MTCH2: variants seen among roughly 807,000 people sequenced by gnomAD.
The protein encoded by MTCH2 is mitochondrial carrier homolog 2.
A neutral mutation model predicts 50.6 loss-of-function variants in MTCH2; 25 were observed. That is an observed-to-expected ratio of 0.49 (90% CI 0.36 to 0.69). MTCH2 has a LOEUF of 0.69. Ranked by LOEUF, MTCH2 falls within the 30% of genes least tolerant of loss-of-function variation. The probability of loss-of-function intolerance (pLI) is 0.00; values close to 1 mark genes in which losing one functional copy is unlikely to be tolerated. For synonymous variants in MTCH2, 106 were observed against 132.0 expected, an observed-to-expected ratio of 0.80 and a Z score of 1.35; for missense variants, 273 against 384.4, an observed-to-expected ratio of 0.71 and a Z score of 2.42.
rs34382888 is a variant in MTCH2 at position 47,632,357 on chromosome 11, A to AT, written c.370-647dup. On this transcript the variant is annotated intron_variant, in intron 5 of 12. Transcript: ENST00000302503. ...AAGCAGGTCTACCATTGGCTTTTGC[A>AT]TTTTTTTTTTTTTTTTAGGACAGTC... 8.1e-3 allele frequency among the ~76,000 whole-genome samples: 1,124 copies of AT among 138,598 alleles called. 5 individuals carry two copies. Among genetic ancestry groups the AT allele is most frequent in the African/African-American group, 9.9e-3 (377 of 37,978 alleles). 90.9% of individuals were successfully genotyped at this position (138,598 alleles called of 152,430 possible).
In MTCH2 at chr11:47,631,020, A is replaced by C. The variant is rs1467549613; in HGVS notation, c.479+16T>G. 6.2e-7 allele frequency: 1 copy of C among 1,602,566 alleles called. No homozygotes were observed. The highest frequency in any genetic ancestry group is 1.7e-5 in the Admixed American group (1 of 59,718). On this transcript the variant is annotated intron_variant, in intron 7 of 12. Coordinates refer to ENST00000302503, the MANE Select transcript of MTCH2 (RefSeq NM_014342.4). ...TCAAAAGATCTCCTTGAGTATGTGA[A>C]AACAAAAATACTTACCAGTACTTGG...
Position 47,618,747 on chromosome 11 carries a change from C to A in MTCH2, c.*86G>T. Reference sequence around the variant, plus strand: ...AGATTAAATGATTATTAAAAAAGCGCGCCACACTGTATAGAAATCAACATT... The same window carrying A: ...AGATTAAATGATTATTAAAAAAGCGAGCCACACTGTATAGAAATCAACATT... On this transcript the variant is annotated 3_prime_UTR_variant, in exon 13 of 13. Transcript: ENST00000302503. The A allele has an allele frequency of 1.2e-6, 1 of 868,916 alleles. No homozygotes were observed. 53.8% of individuals were successfully genotyped at this position (868,916 alleles called of 1,614,324 possible).
downstream of MTCH2, among the ~76,000 whole-genome samples, chr11:47,614,461 T>C (rs1344573385): frequency 6.6e-6 from 1 of 152,184 alleles, no homozygotes; most frequent in Non-Finnish European, 1.5e-5. Context: ...CTTGACCAGC[T>C]AGTTTTTCTT....
the MTCH2 span, among the ~76,000 whole-genome samples, chr11:47,610,373 A>G: frequency 6.6e-6 from 1 of 151,884 alleles, no homozygotes; most frequent in African/African-American, 2.4e-5. Flanking sequence ...TAACTATCAC[A>G]TACCAAATAT....
intron 9 of MTCH2, among the ~76,000 whole-genome samples, chr11:47,628,110 A>C (rs985357732): frequency 1.3e-5 from 2 of 152,132 alleles, no homozygotes; most frequent in South Asian, 4.1e-4. Flanking sequence ...TACAACATGG[A>C]TTTAGTCATA....
intron 4 of MTCH2, among the ~76,000 whole-genome samples, chr11:47,635,344 G>A (rs1238010381): frequency 6.6e-6 from 1 of 152,142 alleles, no homozygotes; most frequent in East Asian, 1.9e-4. Context: ...GAAACTGCTA[G>A]GATTACAGGC....
chr11:47,617,660 T>A lies in MTCH2; in HGVS notation c.*1173A>T, dbSNP rs1352179119. 6.6e-6 allele frequency: 1 copy of A among 152,600 alleles called. No individual in the cohort carries two copies. Among genetic ancestry groups the A allele is most frequent in the Non-Finnish European group, 1.5e-5 (1 of 68,042 alleles). The allele number at this position is 152,600 out of a possible 1,614,324, so 9.5% of individuals were successfully genotyped here. On this transcript the variant is annotated 3_prime_UTR_variant, in exon 13 of 13. Coordinates refer to ENST00000302503, the MANE Select transcript of MTCH2 (RefSeq NM_014342.4). The stretch of plus-strand genomic sequence containing the variant: ...TAAGTGAAACCACAGGCTTTCTCAT[T>A]TTAGAGCATTTTAACCTGCTTTTTA...
At chr11:47,610,778 A>G in the MTCH2 span, among the ~76,000 whole-genome samples, 1 of 152,168 alleles carries the variant, frequency 6.6e-6, no homozygotes, top group Non-Finnish European at 1.5e-5. Context: ...AAAATGACCA[A>G]CTTTCCCAAG....
the MTCH2 span, among the ~76,000 whole-genome samples, chr11:47,608,783 C>G: frequency 1.3e-5 from 2 of 151,550 alleles, no homozygotes; most frequent in Non-Finnish European, 2.9e-5. Context: ...ATGGTGAAAC[C>G]CCATCTCTAC....
chr11:47,633,526 A>ATATATATATATATATATATTT (rs1378774715), intron 5 of MTCH2, among the ~76,000 whole-genome samples: 2 of 35,078 alleles, frequency 5.7e-5, no homozygotes, highest in African/African-American at 8.3e-5. Context: ...ATATATATAT[A>ATATATATATATATATATATTT]TTTTTTTTTT....
chr11:47,637,839 A>G (rs1338529037), intron 3 of MTCH2, among the ~76,000 whole-genome samples: 2 of 152,216 alleles, frequency 1.3e-5, no homozygotes, highest in Non-Finnish European at 2.9e-5. Flanking sequence ...CCTTGGCTAG[A>G]ATTAATTCTA....
rs1290783693 is a variant in MTCH2 at position 47,635,683 on chromosome 11, G to A, written c.280-112C>T. The A allele has an allele frequency of 4.1e-6, 4 of 967,408 alleles. No homozygotes were observed. In the African/African-American group the frequency reaches 6.7e-5, roughly 16 times the overall value. The allele number at this position is 967,408 out of a possible 1,614,324, so 59.9% of individuals were successfully genotyped here. On this transcript the variant is annotated intron_variant, in intron 3 of 12. Coordinates refer to ENST00000302503, the MANE Select transcript of MTCH2 (RefSeq NM_014342.4). Reference sequence around the variant, plus strand: ...TAAATTAGCTGAAGTTTTTTTTAAAGTTTTTGTTTTTTTTTTTAAGCTGCA... The same window carrying A: ...TAAATTAGCTGAAGTTTTTTTTAAAATTTTTGTTTTTTTTTTTAAGCTGCA...
chr11:47,642,030 G>A (rs902448118), intron 1 of MTCH2, among the ~76,000 whole-genome samples: 6 of 152,236 alleles, frequency 3.9e-5, no homozygotes, highest in Non-Finnish European at 8.8e-5. Context: ...GAATTTCGGA[G>A]GGGCGAGAGG....
In MTCH2 at chr11:47,627,129, T is replaced by A; in HGVS notation, c.634-2A>T. On this transcript the variant is annotated splice_acceptor_variant, in intron 9 of 12. Transcript: ENST00000302503. LOFTEE classifies it high-confidence loss of function. ...CTTCATTTCATTCATGGTAGAAACC[T>A]AAAATAGGAAAAGAGCCTTAAATTA... 2 of 1,591,166 alleles carry A rather than the reference T, an allele frequency of 1.3e-6. No homozygotes were observed. The highest frequency in any genetic ancestry group is 1.7e-6 in the Non-Finnish European group (2 of 1,164,446).
At chr11:47,633,520 ATATATATT>A (rs1318972365) in intron 5 of MTCH2, among the ~76,000 whole-genome samples, 4 of 19,780 alleles carry the variant, frequency 2.0e-4, no homozygotes, top group East Asian at 1.4e-3. Flanking sequence ...ATATATATAT[ATATATATT>A]TTTTTTTTTT....
downstream of MTCH2, chr11:47,617,310 C>T (rs1340343547): frequency 6.6e-6 from 1 of 152,158 alleles, no homozygotes; most frequent in African/African-American, 2.4e-5. Flanking sequence ...ACAGGATAAA[C>T]ATGGCACATT....
At chr11:47,610,632 G>C in the MTCH2 span, among the ~76,000 whole-genome samples, 77 of 152,264 alleles carry the variant, frequency 5.1e-4, no homozygotes, top group African/African-American at 1.9e-3. Context: ...TTGAACCCAG[G>C]AGGCAGAGGT....
downstream of MTCH2, among the ~76,000 whole-genome samples, chr11:47,616,240 T>A (rs1035233950): frequency 6.6e-6 from 1 of 151,854 alleles, no homozygotes; most frequent in African/African-American, 2.4e-5. Flanking sequence ...CCCACACTCT[T>A]CTTAAGTCAA....
In MTCH2 at chr11:47,635,585, GA is replaced by G; in HGVS notation, c.280-15del. On this transcript the variant is annotated splice_polypyrimidine_tract_variant and intron_variant, in intron 3 of 12. Coordinates refer to ENST00000302503, the MANE Select transcript of MTCH2 (RefSeq NM_014342.4). Reference sequence around the variant, plus strand: ...CTCCTGGTAATGCTATAGAAAAAAAGAAAAAGGATGATTAGGGTTATTACAG... The same window carrying G: ...CTCCTGGTAATGCTATAGAAAAAAAGAAAAGGATGATTAGGGTTATTACAG... 1 of 1,608,586 alleles carries G rather than the reference GA, an allele frequency of 6.2e-7. No homozygotes were observed.
Sources: allele counts gnomAD v4.1 joint callset (sites outside exome capture counted in the v4.1 genomes callset), GRCh38; gene constraint gnomAD v4.1.1; transcripts MANE v1.5; gene names NCBI Gene and HGNC (gene_info 2026-07-23, HGNC 2026-07-21).